Variants in MECOM observed in about 807,000 individuals in gnomAD.
MECOM encodes histone-lysine N-methyltransferase MECOM.
In MECOM, 13 loss-of-function variants were observed where a neutral mutation model predicts 116.3. That is an observed-to-expected ratio of 0.11 (90% CI 0.07 to 0.18). The LOEUF is 0.18. Among genes scored for constraint, MECOM ranks in the 10% least tolerant of loss-of-function variants. The pLI, the probability that MECOM is intolerant of heterozygous loss-of-function variation, is 1.00. For missense variants in MECOM, 1,299 were observed against 1,509.0 expected (o/e 0.86, Z 2.31); for synonymous variants, 528 against 535.2 (o/e 0.99, Z 0.19).
intron 1 of MECOM, among the ~76,000 whole-genome samples, chr3:169,645,334 A>G (rs1774035528): frequency 6.6e-6 from 1 of 152,220 alleles, no homozygotes; most frequent in Admixed American, 6.5e-5. Flanking sequence ...CACCTTCTGT[A>G]GAATTCCCAT....
chr3:169,483,024 T>G (rs58481349), intron 1 of MECOM, among the ~76,000 whole-genome samples: 10,732 of 152,082 alleles, frequency 0.071, 644 homozygotes, highest in East Asian at 0.25. Context: ...ATTTTCCACT[T>G]GGGTCAATAA....
intron 14 of MECOM, among the ~76,000 whole-genome samples, chr3:169,092,468 T>A (rs554053132): frequency 6.0e-4 from 91 of 152,090 alleles, no homozygotes; most frequent in African/African-American, 2.0e-3. Flanking sequence ...ATAATACAGG[T>A]ATATAGAATC....
chr3:169,087,204 T>G (rs1718067179), intron 16 of MECOM, among the ~76,000 whole-genome samples: 1 of 152,178 alleles, frequency 6.6e-6, no homozygotes, highest in Admixed American at 6.5e-5. Context: ...GCCCTTTTGC[T>G]TTCTGTCACT....
At chr3:169,451,100 C>T (rs1485109261) in intron 1 of MECOM, among the ~76,000 whole-genome samples, 1 of 152,128 alleles carries the variant, frequency 6.6e-6, no homozygotes, top group Non-Finnish European at 1.5e-5. Context: ...CCACCCTACA[C>T]ATAATTCAAC....
At chr3:169,307,727 A>C (rs1484479357) in intron 2 of MECOM, among the ~76,000 whole-genome samples, 1 of 152,232 alleles carries the variant, frequency 6.6e-6, no homozygotes, top group African/African-American at 2.4e-5. Flanking sequence ...AAAGATAAAC[A>C]GTGAAAAGCC....
chr3:169,454,871 A>T (rs771667469), intron 1 of MECOM, among the ~76,000 whole-genome samples: 1 of 152,204 alleles, frequency 6.6e-6, no homozygotes, highest in Non-Finnish European at 1.5e-5. Context: ...CCTCATACAG[A>T]AACACTCCCT....
chr3:169,640,039 G>C (rs932725912), intron 1 of MECOM, among the ~76,000 whole-genome samples: 1 of 152,158 alleles, frequency 6.6e-6, no homozygotes, highest in Admixed American at 6.5e-5. Context: ...GAACCACATG[G>C]TGAATCTTAA....
At chr3:169,149,935 C>CTGTG (rs58944452) in intron 2 of MECOM, among the ~76,000 whole-genome samples, 2,310 of 131,210 alleles carry the variant, frequency 0.018, 36 homozygotes, top group African/African-American at 0.02. Flanking sequence ...TTCTCTCTCT[C>CTGTG]TGTGTGTGTG....
At chr3:169,619,978 A>G (rs1199438701) in intron 1 of MECOM, among the ~76,000 whole-genome samples, 4 of 152,182 alleles carry the variant, frequency 2.6e-5, no homozygotes, top group African/African-American at 7.2e-5. Flanking sequence ...CCTGAAAACA[A>G]TAGCGGCTTC....
rs561081549 is a variant in MECOM, at chr3:169,643,804, GA to G, written c.37+19531del. ...AATGGTATGTAAACACTCTATAGCA[GA>G]AACTATTTTATTTAACACAGTGAAA... On this transcript the variant is annotated intron_variant, in intron 1 of 16. Transcript: ENST00000651503. Among the ~76,000 whole-genome samples the G allele has an allele frequency of 3.3e-5, 5 of 152,234 alleles. No individual in the cohort carries two copies. In the South Asian group the frequency reaches 1.0e-3, roughly 32 times the overall value.
At chr3:169,274,864 G>A (rs1759396762) in intron 2 of MECOM, among the ~76,000 whole-genome samples, 1 of 152,116 alleles carries the variant, frequency 6.6e-6, no homozygotes, top group Non-Finnish European at 1.5e-5. Context: ...TTATTCCAGA[G>A]CTTAATAGAC....
At chr3:169,553,717 G>A (rs1054040168) in intron 1 of MECOM, among the ~76,000 whole-genome samples, 1 of 152,112 alleles carries the variant, frequency 6.6e-6, no homozygotes, top group African/African-American at 2.4e-5. Flanking sequence ...TGTCTCCTGC[G>A]GCCTCTCTTA....
chr3:169,407,450 AAAC>A (rs1736881983), intron 1 of MECOM, among the ~76,000 whole-genome samples: 2 of 151,350 alleles, frequency 1.3e-5, no homozygotes, highest in Admixed American at 1.3e-4. Flanking sequence ...CAGTTCACAA[AAAC>A]ATTTTTTGTA....
intron 1 of MECOM, among the ~76,000 whole-genome samples, chr3:169,496,970 C>A (rs945307708): frequency 2.0e-5 from 3 of 152,138 alleles, no homozygotes; most frequent in Non-Finnish European, 4.4e-5. Flanking sequence ...AAGATTTTAG[C>A]CTTCTATCCA....
chr3:169,218,940 C>T (rs539011543), intron 2 of MECOM, among the ~76,000 whole-genome samples: 1 of 152,176 alleles, frequency 6.6e-6, no homozygotes, highest in East Asian at 1.9e-4. Flanking sequence ...ACACACCTAC[C>T]CCTACGTATA....
intron 2 of MECOM, among the ~76,000 whole-genome samples, chr3:169,150,141 A>G (rs1389069887): frequency 6.6e-6 from 1 of 152,182 alleles, no homozygotes; most frequent in Non-Finnish European, 1.5e-5. Flanking sequence ...GAAATCCCAC[A>G]GTAGTTAGAC....
chr3:169,300,022 G>A (rs1354201776), intron 2 of MECOM, among the ~76,000 whole-genome samples: 1 of 152,056 alleles, frequency 6.6e-6, no homozygotes, highest in Admixed American at 6.6e-5. Flanking sequence ...TAGAAACCTT[G>A]CAAAACTTAA....
At chr3:169,534,522 T>C (rs960241871) in intron 1 of MECOM, among the ~76,000 whole-genome samples, 1 of 151,976 alleles carries the variant, frequency 6.6e-6, no homozygotes, top group South Asian at 2.1e-4. Context: ...CTGTCCTGTA[T>C]CCACTCCCCC....
chr3:169,130,868 C>T (rs1294483495), intron 4 of MECOM, among the ~76,000 whole-genome samples: 1 of 152,146 alleles, frequency 6.6e-6, no homozygotes, highest in Admixed American at 6.5e-5. Context: ...ACATGTATCA[C>T]TACTGATTAT....
Sources: allele counts gnomAD v4.1 joint callset (sites outside exome capture counted in the v4.1 genomes callset), GRCh38; gene constraint gnomAD v4.1.1; transcripts MANE v1.5; gene names NCBI Gene and HGNC (gene_info 2026-07-23, HGNC 2026-07-21).